Variants in TUBA4B observed in about 807,000 individuals in gnomAD.
The protein encoded by TUBA4B is tubulin-like protein alpha-4B.
Under a neutral mutation model 18.4 loss-of-function variants are expected in TUBA4B, and 13 were observed. That is an observed-to-expected ratio of 0.71 (90% confidence interval 0.46 to 1.12). The LOEUF (loss-of-function observed/expected upper bound fraction) is 1.12, where lower values mean the gene tolerates loss of function less well. TUBA4B is among the 50% of genes most tolerant of loss of function. The probability of loss-of-function intolerance (pLI) is 0.00; values close to 1 mark genes in which losing one functional copy is unlikely to be tolerated. For missense variants in TUBA4B, 244 were observed against 250.0 expected (o/e 0.98, Z 0.16); for synonymous variants, 101 against 99.1 (o/e 1.02, Z -0.11).
At chr2:219,264,201 T>C (rs1951775834) in intron 1 of TUBA4B, among the ~76,000 whole-genome samples, 1 of 152,194 alleles carries the variant, frequency 6.6e-6, no homozygotes, top group Non-Finnish European at 1.5e-5. Flanking sequence ...GGCTCATGCC[T>C]GTAATCCCAG....
chr2:219,266,559 G>A lies in TUBA4B; in HGVS notation c.51G>A (p.Arg17=), dbSNP rs748850728. 17 of 702,896 alleles carry A rather than the reference G, an allele frequency of 2.4e-5. No homozygotes were observed. In the East Asian group the frequency reaches 4.3e-4, roughly 18 times the overall value. The allele number at this position is 702,896 out of a possible 1,614,324, so 43.5% of individuals were successfully genotyped here. A position where few individuals can be genotyped will look rare whatever the true frequency, so the allele number is the denominator to read the frequency against. ...ERQDPSQPLS[R]QHGTYRQIFH... is the part of the protein sequence containing the mutation. ...AAGACCCCAGCCAGCCCCTGTCCAG[G>A]CAGCATGGTGAGTAGAAGGGGCCTT... Residue 17 remains arginine (R), a synonymous_variant, in exon 2 of 4, where the codon AGG becomes AGA. Transcript: ENST00000490341.
At chr2:219,261,710 C>A (rs1951760293) in intron 1 of TUBA4B, among the ~76,000 whole-genome samples, 1 of 152,226 alleles carries the variant, frequency 6.6e-6, no homozygotes, top group African/African-American at 2.4e-5. Context: ...CAGCTTCCTG[C>A]CTCTAGGCTT....
rs61508402 is a variant in TUBA4B, at chr2:219,264,322, T to C, written c.13-2199T>C. On this transcript the variant is annotated intron_variant, in intron 1 of 3. Coordinates refer to ENST00000490341, the MANE Select transcript of TUBA4B (RefSeq NM_001355221.1). ...TAAAAATACAAAAATTAGCCAGGCGTGGTGGCATGTGCCTGTAATCCAAGC... is the reference window on the plus strand; with the variant it reads ...TAAAAATACAAAAATTAGCCAGGCGCGGTGGCATGTGCCTGTAATCCAAGC... Among the ~76,000 whole-genome samples the C allele has an allele frequency of 5.5e-3, 831 of 151,988 alleles. 12 individuals carry two copies. The highest frequency in any genetic ancestry group is 0.019 in the African/African-American group (780 of 41,462).
intron 2 of TUBA4B, among the ~76,000 whole-genome samples, chr2:219,268,954 G>C (rs1951807623): frequency 6.6e-6 from 1 of 152,132 alleles, no homozygotes; most frequent in South Asian, 2.1e-4. Context: ...AACTTAGCCA[G>C]GCATGGTGGT....
chr2:219,259,132 AAATAAATAAAT>A (rs1951743118), intron 1 of TUBA4B, among the ~76,000 whole-genome samples: 1 of 134,624 alleles, frequency 7.4e-6, no homozygotes, highest in African/African-American at 3.3e-5. Context: ...AATAATAAAT[AAATAAATAAAT>A]AAATAAATAA....
chr2:219,260,007 T>C (rs973312219), intron 1 of TUBA4B, among the ~76,000 whole-genome samples: 1 of 152,322 alleles, frequency 6.6e-6, no homozygotes, highest in South Asian at 2.1e-4. Flanking sequence ...CACATCTCCA[T>C]CTTCATCTTT....
rs1951831757 is a variant in TUBA4B at position 219,272,099 on chromosome 2, G to GGATAGTGT, written c.*402_*409dup. 5 of 978,308 alleles carry GGATAGTGT rather than the reference G, an allele frequency of 5.1e-6. No individual in the cohort carries two copies. The South Asian group carries it at 5.2e-5, about 10-fold the overall frequency. 60.6% of individuals were successfully genotyped at this position (978,308 alleles called of 1,614,324 possible). A position where few individuals can be genotyped will look rare whatever the true frequency, so the allele number is the denominator to read the frequency against. ...AGAAGGATTACAAGGAGGTGGGCAT[G>GGATAGTGT]GATAGTGTGGAGTGGGGGGAAGAAA... On this transcript the variant is annotated 3_prime_UTR_variant, in exon 4 of 4. Transcript: ENST00000490341.
In TUBA4B at chr2:219,272,040, T is replaced by A; in HGVS notation, c.*341T>A. ...GGGTGAGGGCATGGAGGAGGGTGAG[T>A]TCTCCAAGGCCCATGAGGATATGAC... On this transcript the variant is annotated 3_prime_UTR_variant, in exon 4 of 4. Coordinates refer to ENST00000490341, the MANE Select transcript of TUBA4B (RefSeq NM_001355221.1). 2 of 1,448,386 alleles carry A rather than the reference T, an allele frequency of 1.4e-6. No individual in the cohort carries two copies. The highest frequency in any genetic ancestry group is 1.9e-6 in the Non-Finnish European group (2 of 1,034,174). The allele number at this position is 1,448,386 out of a possible 1,614,324, so 89.7% of individuals were successfully genotyped here.
chr2:219,263,747 G>T (rs1951772975), intron 1 of TUBA4B, among the ~76,000 whole-genome samples: 1 of 152,172 alleles, frequency 6.6e-6, no homozygotes, highest in Non-Finnish European at 1.5e-5. Flanking sequence ...GGGCCTCTTT[G>T]TTCCAGGTGG....
chr2:219,266,636 G>T, intron 2 of TUBA4B, 70 bp downstream of exon 2: 1 of 697,652 alleles, frequency 1.4e-6, no homozygotes, highest in Non-Finnish European at 2.6e-6. Flanking sequence ...GATATCTGGC[G>T]TGAAGGTACC....
intron 1 of TUBA4B, among the ~76,000 whole-genome samples, chr2:219,262,268 G>A (rs1304300160): frequency 6.6e-6 from 1 of 152,220 alleles, no homozygotes; most frequent in African/African-American, 2.4e-5. Flanking sequence ...CTGAGATCGT[G>A]CCACTGCACT....
At chr2:219,260,085 G>A (rs1315531173) in intron 1 of TUBA4B, among the ~76,000 whole-genome samples, 4 of 151,762 alleles carry the variant, frequency 2.6e-5, no homozygotes, top group East Asian at 3.9e-4. Context: ...TTTTTTGTTG[G>A]TTTTGATGAC....
chr2:219,259,837 CCTT>C (rs746345023), intron 1 of TUBA4B, among the ~76,000 whole-genome samples: 1 of 152,192 alleles, frequency 6.6e-6, no homozygotes, highest in Non-Finnish European at 1.5e-5. Context: ...CAGCCATCCT[CCTT>C]CTCACAGCAC....
chr2:219,255,572 A>G (rs1951712396), intron 1 of TUBA4B, among the ~76,000 whole-genome samples: 1 of 151,662 alleles, frequency 6.6e-6, no homozygotes, highest in Non-Finnish European at 1.5e-5. Flanking sequence ...GTCTCGCCAT[A>G]TTGTCCAGAT....
intron 1 of TUBA4B, chr2:219,254,131 T>C: frequency 2.6e-6 from 1 of 389,820 alleles, no homozygotes; most frequent in Non-Finnish European, 4.6e-6. Flanking sequence ...ATTCGGGCTT[T>C]AACCATTCTT....
At chr2:219,265,196 C>T (rs1951782909) in intron 1 of TUBA4B, among the ~76,000 whole-genome samples, 1 of 152,288 alleles carries the variant, frequency 6.6e-6, no homozygotes, top group African/African-American at 2.4e-5. Context: ...AATCTTAATT[C>T]CAGCATTAAT....
intron 1 of TUBA4B, among the ~76,000 whole-genome samples, chr2:219,261,376 A>C (rs955126176): frequency 6.6e-6 from 1 of 152,216 alleles, no homozygotes; most frequent in African/African-American, 2.4e-5. Flanking sequence ...GCGCCCTAGC[A>C]GACTTCCCCC....
chr2:219,266,427 T>C lies in TUBA4B; in HGVS notation c.13-94T>C. 6.2e-6 allele frequency: 4 copies of C among 641,526 alleles called. No homozygotes were observed. In the Admixed American group the frequency reaches 9.7e-5, roughly 16 times the overall value. 39.7% of individuals were successfully genotyped at this position (641,526 alleles called of 1,614,324 possible). A position where few individuals can be genotyped will look rare whatever the true frequency, so the allele number is the denominator to read the frequency against. ...CCCTCCCAGGCCGTTTCTAACAACA[T>C]CCACCTGCTGAGAGCCACCCAGCGA... On this transcript the variant is annotated intron_variant, in intron 1 of 3. Coordinates refer to ENST00000490341, the MANE Select transcript of TUBA4B (RefSeq NM_001355221.1).
chr2:219,254,067 C>T (rs552382651), intron 1 of TUBA4B: 23 of 456,194 alleles, frequency 5.0e-5, no homozygotes, highest in Non-Finnish European at 8.7e-5. Flanking sequence ...GCCTGGTACC[C>T]TCCCCAAGCT....
Sources: allele counts gnomAD v4.1 joint callset (sites outside exome capture counted in the v4.1 genomes callset), GRCh38; gene constraint gnomAD v4.1.1; transcripts MANE v1.5; gene names NCBI Gene and HGNC (gene_info 2026-07-23, HGNC 2026-07-21).